ANGPTL2: variants seen among roughly 807,000 people sequenced by gnomAD.
ANGPTL2 encodes the protein angiopoietin-related protein 2.
ANGPTL2 carries 25 observed loss-of-function variants against 52.8 expected under a neutral mutation model. The observed-to-expected ratio is 0.47, with a 90% CI of 0.35 to 0.66. The LOEUF is 0.66. Among genes scored for constraint, ANGPTL2 ranks in the 30% least tolerant of loss-of-function variants. The pLI is 0.01. For missense variants in ANGPTL2, 546 were observed against 656.9 expected (o/e 0.83, Z 1.84); for synonymous variants, 276 against 277.4 (o/e 1.00, Z 0.05).
At chr9:127,090,284 C>T (rs368278744) in intron 4 of ANGPTL2, among the ~76,000 whole-genome samples, 60 of 152,338 alleles carry the variant, frequency 3.9e-4, no homozygotes, top group African/African-American at 1.2e-3. Context: ...ATACACTTTC[C>T]GCTCCCTAAG....
rs749404884 is a variant in ANGPTL2 at position 127,091,929 on chromosome 9, C to G, written c.1023G>C (p.Gly341=). 41 of 1,613,886 alleles carry G rather than the reference C, an allele frequency of 2.5e-5. No homozygotes were observed. Among genetic ancestry groups the G allele is most frequent in the Non-Finnish European group, 2.8e-5 (33 of 1,179,856 alleles). Residue 341 remains glycine, a synonymous_variant, in exon 4 of 5, where the codon GGG becomes GGC. Coordinates refer to ENST00000373425, the MANE Select transcript of ANGPTL2 (RefSeq NM_012098.3). The surrounding 1 kb of genome is among the most constrained non-coding windows in gnomAD (Gnocchi z 4.3). ...RNWETYKQGF[G]NIDGEYWLGL... ...CCAGCCAGTATTCGCCGTCAATGTTCCCAAACCCTTGCTGGGGAAAACCCA... is the reference window on the plus strand; with the variant it reads ...CCAGCCAGTATTCGCCGTCAATGTTGCCAAACCCTTGCTGGGGAAAACCCA...
chr9:127,111,637 C>T (rs775336962), intron 1 of ANGPTL2, among the ~76,000 whole-genome samples: 3 of 152,172 alleles, frequency 2.0e-5, no homozygotes, highest in African/African-American at 4.8e-5. Context: ...GACCAAGGTC[C>T]GCTATATACC....
At position 127,088,433 on chromosome 9, in the gene ANGPTL2, C is replaced by T. The variant is rs2052032579; in HGVS notation, c.*506G>A. ...CTACCCTTAGACTCAAGTAATACAA[C>T]ACTAATGAAATGCTTTTCTCCTAAG... On this transcript the variant is annotated 3_prime_UTR_variant, in exon 5 of 5. Coordinates refer to ENST00000373425, the MANE Select transcript of ANGPTL2 (RefSeq NM_012098.3). 1 of 165,970 alleles carries T rather than the reference C, an allele frequency of 6.0e-6. No homozygotes were observed. Among genetic ancestry groups the T allele is most frequent in the Non-Finnish European group, 1.3e-5 (1 of 76,342 alleles). The allele number at this position is 165,970 out of a possible 1,614,324, so 10.3% of individuals were successfully genotyped here.
chr9:127,104,803 C>T (rs1280856431), intron 2 of ANGPTL2, among the ~76,000 whole-genome samples: 5 of 152,210 alleles, frequency 3.3e-5, no homozygotes, highest in African/African-American at 4.8e-5. Context: ...TGGAAGCTGC[C>T]AAGGCTCGGA....
At chr9:127,115,177 C>T (rs528717888) in intron 1 of ANGPTL2, among the ~76,000 whole-genome samples, 7 of 151,640 alleles carry the variant, frequency 4.6e-5, no homozygotes, top group African/African-American at 1.2e-4. Context: ...TGTTGTCTTA[C>T]GTAATTATTA....
chr9:127,107,971 G>A lies in ANGPTL2; in HGVS notation c.761C>T (p.Pro254Leu). 6.4e-7 allele frequency: 1 copy of A among 1,573,146 alleles called. No homozygotes were observed. The change falls in exon 2 of 5, where the codon CCT becomes CTT. Residue 254 changes from proline to leucine, a missense_variant. This residue lies in a region of ANGPTL2 where 261 missense variants were observed against 361.0 expected (regional missense o/e 0.72). Coordinates refer to ENST00000373425, the MANE Select transcript of ANGPTL2 (RefSeq NM_012098.3). Reference sequence around the variant, plus strand: ...GGTGAGAGTGGGCATAGTGGGCAGAGGGGGTGGCAGCACCTTCAGGTTCTG... The same window carrying A: ...GGTGAGAGTGGGCATAGTGGGCAGAAGGGGTGGCAGCACCTTCAGGTTCTG... ...SDQNLKVLPP[P>L]LPTMPTLTSL...
At chr9:127,092,004 T>C in intron 3 of ANGPTL2, 64 bp from the exon 4 acceptor site, 1 of 1,578,852 alleles carries the variant, frequency 6.3e-7, no homozygotes, top group Admixed American at 1.7e-5. Flanking sequence ...CAGGCTTGGC[T>C]GTCAGACACT....
At chr9:127,094,381 G>A (rs2052863596) in intron 2 of ANGPTL2, among the ~76,000 whole-genome samples, 1 of 150,496 alleles carries the variant, frequency 6.6e-6, no homozygotes, top group African/African-American at 2.5e-5. Context: ...GGCTCTGATG[G>A]CTTTGCTTCT....
chr9:127,105,865 G>A (rs893364328), intron 2 of ANGPTL2, among the ~76,000 whole-genome samples: 7 of 152,198 alleles, frequency 4.6e-5, no homozygotes, highest in Admixed American at 3.3e-4. Context: ...CTAGTGCTGC[G>A]ACTAGCATGT....
chr9:127,088,977 C>A lies in ANGPTL2; in HGVS notation c.1444G>T (p.Val482Leu). Residue 482 changes from valine to leucine, a missense_variant, in exon 5 of 5, where the codon GTG becomes TTG. Around this residue, in one of 2 missense-constraint regions of ANGPTL2, gnomAD observed 261 missense variants for 361.0 expected, o/e 0.72. Coordinates refer to ENST00000373425, the MANE Select transcript of ANGPTL2 (RefSeq NM_012098.3). Reference protein sequence around the residue: ...RGGSYSLKKVVMMIRPNPNTF... With the variant: ...RGGSYSLKKVLMMIRPNPNTF... ...TTGGGGTTCGGTCGGATCATCATCA[C>A]CACTTTCTTGAGTGAGTAAGAGCCT... The A allele has an allele frequency of 3.7e-6, 6 of 1,614,218 alleles. No homozygotes were observed. The highest frequency in any genetic ancestry group is 5.1e-6 in the Non-Finnish European group (6 of 1,180,042).
At chr9:127,101,394 A>C (rs1051749565) in intron 2 of ANGPTL2, among the ~76,000 whole-genome samples, 2 of 152,168 alleles carry the variant, frequency 1.3e-5, no homozygotes, top group African/African-American at 4.8e-5. Flanking sequence ...TGTCCCCATA[A>C]GACTGTGGGC....
Position 127,122,315 on chromosome 9 carries a change from C to G in ANGPTL2, c.-50G>C, listed in dbSNP as rs567193759. On this transcript the variant is annotated splice_region_variant and 5_prime_UTR_variant, in exon 1 of 5. Coordinates refer to ENST00000373425, the MANE Select transcript of ANGPTL2 (RefSeq NM_012098.3). This position sits in a 1 kb window ranked among gnomAD's most constrained non-coding sequence, Gnocchi z 6.4. ...CATGGCCGCAGAGCTGGCCCCTTAC[C>G]TCTTCCCTCCTGCTTGGCTCCGGGG... is the stretch of plus-strand genomic sequence containing the variant. 6.6e-6 allele frequency: 1 copy of G among 152,492 alleles called. No individual in the cohort carries two copies. Among genetic ancestry groups the G allele is most frequent in the Non-Finnish European group, 1.5e-5 (1 of 68,280 alleles). The allele number at this position is 152,492 out of a possible 1,614,324, so 9.4% of individuals were successfully genotyped here.
chr9:127,093,653 C>A, intron 3 of ANGPTL2, 80 bp downstream of exon 3: 1 of 1,539,858 alleles, frequency 6.5e-7, no homozygotes, highest in Admixed American at 1.7e-5. Context: ...TGAGTGGGCT[C>A]TTCTATTGGT....
intron 1 of ANGPTL2, among the ~76,000 whole-genome samples, chr9:127,109,698 G>C (rs1179804381): frequency 1.3e-5 from 2 of 152,240 alleles, no homozygotes; most frequent in Non-Finnish European, 2.9e-5. Flanking sequence ...CAGCATGCTA[G>C]TGGCTAGGGA....
chr9:127,089,268 G>A (rs745652057), intron 4 of ANGPTL2, 130 bp from the exon 5 acceptor site: 74 of 895,962 alleles, frequency 8.3e-5, no homozygotes, highest in Admixed American at 1.6e-4. Context: ...AGGTGGACCC[G>A]TCTCCATGGG....
chr9:127,090,126 G>T (rs2052289292), intron 4 of ANGPTL2, among the ~76,000 whole-genome samples: 1 of 152,206 alleles, frequency 6.6e-6, no homozygotes, highest in Non-Finnish European at 1.5e-5. Context: ...GGACCAAGTG[G>T]CAGTGTTGGA....
At chr9:127,116,557 A>G (rs1027615994) in intron 1 of ANGPTL2, among the ~76,000 whole-genome samples, 2 of 152,182 alleles carry the variant, frequency 1.3e-5, no homozygotes, top group East Asian at 1.9e-4. Context: ...GGCAGTGCCT[A>G]GTGTGCTCTG....
At chr9:127,100,345 G>A (rs1052149247) in intron 2 of ANGPTL2, among the ~76,000 whole-genome samples, 5 of 152,324 alleles carry the variant, frequency 3.3e-5, no homozygotes, top group Middle Eastern at 3.4e-3. Flanking sequence ...CCCAGAAAGG[G>A]CTTATAAAGG....
intron 2 of ANGPTL2, among the ~76,000 whole-genome samples, chr9:127,102,806 G>C (rs2053866879): frequency 6.6e-6 from 1 of 152,216 alleles, no homozygotes; most frequent in Non-Finnish European, 1.5e-5. Context: ...AGTGCTCTTT[G>C]AGAAATCACT....
Sources: gnomAD v4.1 joint callset for allele counts (sites outside exome capture counted in the v4.1 genomes callset) on GRCh38, gnomAD v4.1.1 for gene constraint, gnomAD v4.1.1 regional missense constraint, Gnocchi (gnomAD v3.1) non-coding constraint, MANE v1.5 for transcripts, NCBI Gene and HGNC (gene_info 2026-07-23, HGNC 2026-07-21) for gene names.